The following USP26 variants were observed in gnomAD, a reference collection of about 807,000 sequenced individuals.
USP26 encodes the protein ubiquitin specific peptidase 26.
For synonymous variants in USP26, 236 were observed against 240.6 expected (o/e 0.98, Z 0.18); for missense variants, 649 against 642.3 (o/e 1.01, Z -0.11).
chrX:133,084,969 C>T (rs2067583886), intron 4 of USP26, among the ~76,000 whole-genome samples: 1 of 111,490 alleles, frequency 9.0e-6, no homozygotes, highest in Admixed American at 9.5e-5. Flanking sequence ...CACTCTGTCA[C>T]CCAGGCTGGA....
chrX:133,031,359 C>A lies in USP26; in HGVS notation c.-76-3063G>T, dbSNP rs138183719. On this transcript the variant is annotated intron_variant, in intron 5 of 5. Transcript: ENST00000511190. Reference sequence around the variant, plus strand: ...CACATTTATTTTAAACTACACTTAGCTTAGTGATCTTGGATAAGCCAATTC... The same window carrying A: ...CACATTTATTTTAAACTACACTTAGATTAGTGATCTTGGATAAGCCAATTC... 5.3e-3 allele frequency among the ~76,000 whole-genome samples: 599 copies of A among 112,029 alleles called. 10 individuals carry two copies. In the East Asian group the frequency reaches 0.09, roughly 17 times the overall value.
At chrX:133,030,736 T>G (rs190359289) in intron 5 of USP26, among the ~76,000 whole-genome samples, 323 of 112,462 alleles carry the variant, frequency 2.9e-3, no homozygotes, top group Non-Finnish European at 4.9e-3. Context: ...CTTTCAAATC[T>G]GAATTTGCAT....
At chrX:133,086,484 C>G (rs1435962619) in intron 4 of USP26, among the ~76,000 whole-genome samples, 2 of 110,976 alleles carry the variant, frequency 1.8e-5, no homozygotes, top group Non-Finnish European at 3.8e-5. Context: ...GTGGCACACA[C>G]CTGTAGTCCC....
intron 5 of USP26, among the ~76,000 whole-genome samples, chrX:133,061,218 T>A (rs1408715307): frequency 5.3e-5 from 6 of 112,268 alleles, no homozygotes; most frequent in Non-Finnish European, 9.4e-5. Flanking sequence ...TTGGTTGAAG[T>A]TAATGATTTC....
rs777648110 is a variant in USP26, at chrX:133,034,443, AC to A, written c.-76-6148del. 1.8e-4 allele frequency among the ~76,000 whole-genome samples: 20 copies of A among 111,880 alleles called. No homozygotes were observed. The Admixed American group carries it at 1.9e-3, about 11-fold the overall frequency. ...AAGGCAAGGTTAAATAAGACAGGAG[AC>A]TAAACAGATGTACACCTCAATCTAT... On this transcript the variant is annotated intron_variant, in intron 5 of 5. Transcript: ENST00000511190.
intron 5 of USP26, among the ~76,000 whole-genome samples, chrX:133,072,617 A>C (rs1040859710): frequency 8.9e-5 from 10 of 112,878 alleles, no homozygotes; most frequent in Non-Finnish European, 9.4e-5. Flanking sequence ...AATGGCTATC[A>C]TAAACAGGAA....
At chrX:133,092,140 G>T (rs1009712884) in intron 1 of USP26, among the ~76,000 whole-genome samples, 1 of 111,851 alleles carries the variant, frequency 8.9e-6, no homozygotes, top group Non-Finnish European at 1.9e-5. Context: ...TAATCTTGTG[G>T]TTACAAGATC....
At chrX:133,032,038 A>G (rs2067378750) in intron 5 of USP26, among the ~76,000 whole-genome samples, 1 of 110,970 alleles carries the variant, frequency 9.0e-6, no homozygotes, top group Non-Finnish European at 1.9e-5. Context: ...ATATCCAGCT[A>G]CTCGGGAGGC....
chrX:133,025,543 A>T lies in USP26; in HGVS notation c.2678T>A (p.Leu893Ter). 8.3e-7 allele frequency: 1 copy of T among 1,211,067 alleles called. No homozygotes were observed. Among genetic ancestry groups the T allele is most frequent in the East Asian group, 3.0e-5 (1 of 33,801 alleles). ...YMHNEIFEEM[L>*]KREENAQLNS... Reference sequence around the variant, plus strand: ...AAGCTGGGCATTCTCTTCTCTTTTCAACATCTCTTCAAAGATCTCATTATG... The same window carrying T: ...AAGCTGGGCATTCTCTTCTCTTTTCTACATCTCTTCAAAGATCTCATTATG... The change falls in exon 6 of 6, where the codon TTG (leucine) becomes TAG (stop). Residue 893 changes from leucine to a stop codon, truncating the protein, a stop_gained. Transcript: ENST00000511190. LOFTEE classifies it low-confidence loss of function (END_TRUNC).
At chrX:133,090,985 C>T (rs2067605289) in intron 2 of USP26, among the ~76,000 whole-genome samples, 1 of 112,018 alleles carries the variant, frequency 8.9e-6, no homozygotes, top group Non-Finnish European at 1.9e-5. Flanking sequence ...CAATTTTTAA[C>T]AGTGTCACAA....
intron 5 of USP26, among the ~76,000 whole-genome samples, chrX:133,077,621 G>A (rs2067554069): frequency 8.9e-6 from 1 of 111,777 alleles, no homozygotes; most frequent in Admixed American, 9.5e-5. Context: ...CCCCAATATA[G>A]TTTGGATGTA....
chrX:133,080,149 G>T (rs2067564962), intron 5 of USP26, among the ~76,000 whole-genome samples: 1 of 111,380 alleles, frequency 9.0e-6, no homozygotes, highest in East Asian at 2.8e-4. Flanking sequence ...TTTAGTTGAA[G>T]AATGGATGCT....
chrX:133,058,967 C>A (rs1456101521), intron 5 of USP26, among the ~76,000 whole-genome samples: 1 of 110,590 alleles, frequency 9.0e-6, no homozygotes, highest in African/African-American at 3.3e-5. Flanking sequence ...GCGTCTGCCA[C>A]CATACCTGGG....
At chrX:133,081,848 G>A (rs1234982527) in intron 5 of USP26, among the ~76,000 whole-genome samples, 1 of 111,955 alleles carries the variant, frequency 8.9e-6, no homozygotes, top group Admixed American at 9.5e-5. Context: ...AGGGTGTGAA[G>A]AGACATGAAA....
At chrX:133,091,699 A>G (rs191272817) in intron 1 of USP26, among the ~76,000 whole-genome samples, 2 of 111,368 alleles carry the variant, frequency 1.8e-5, no homozygotes, top group Admixed American at 1.9e-4. Context: ...GGTAGTCCCT[A>G]TCTCTAGAAC....
At chrX:133,070,068 C>T (rs1190818635) in intron 5 of USP26, among the ~76,000 whole-genome samples, 1 of 111,211 alleles carries the variant, frequency 9.0e-6, no homozygotes, top group Non-Finnish European at 1.9e-5. Flanking sequence ...GGGTAGGGCA[C>T]ATGAACTATT....
chrX:133,039,881 C>T (rs142335340), intron 5 of USP26, among the ~76,000 whole-genome samples: 3,841 of 111,351 alleles, frequency 0.034, 98 homozygotes, highest in East Asian at 0.1. Context: ...GCTCCTGTAT[C>T]GGGTGCATAT....
In USP26 at chrX:133,072,660, G is replaced by A. The variant is rs1602985962; in HGVS notation, c.-77+11047C>T. ...GCTGTGCCTTTTGGCAAGAATTTTG[G>A]TCCTTATAAGCTCTAAGAAAAAAAA... On this transcript the variant is annotated intron_variant, in intron 5 of 5. Transcript: ENST00000511190. Among the ~76,000 whole-genome samples, 4 of 112,576 alleles carry A rather than the reference G, an allele frequency of 3.6e-5. No homozygotes were observed. In the South Asian group the frequency reaches 1.5e-3, roughly 41 times the overall value.
In USP26 at chrX:133,027,953, C is replaced by T. The variant is rs1437664264; in HGVS notation, c.268G>A (p.Asp90Asn). The T allele has an allele frequency of 8.3e-7, 1 of 1,211,184 alleles. No individual in the cohort carries two copies. The highest frequency in any genetic ancestry group is 1.8e-5 in the South Asian group (1 of 56,883). The change falls in exon 6 of 6, where the codon GAT becomes AAT. Residue 90 changes from aspartate (D) to asparagine (N), a missense_variant. By Grantham distance (23) the Asp-to-Asn change is conservative (BLOSUM62 1). Transcript: ENST00000511190. ...AAGAATATCTTCAATTGTTCAGCAT[C>T]TGTGGAGGATAATCCTTCAATAAAC... ...GLFIEGLSST[D>N]AEQLKIFLDR... is the part of the protein sequence containing the mutation.
Sources: allele counts gnomAD v4.1 joint callset (sites outside exome capture counted in the v4.1 genomes callset), GRCh38; gene constraint gnomAD v4.1.1; transcripts MANE v1.5; gene names NCBI Gene and HGNC (gene_info 2026-07-23, HGNC 2026-07-21).